CTNNA2: variants seen among roughly 807,000 people sequenced by gnomAD.
CTNNA2 encodes the protein catenin alpha 2.
In CTNNA2, 42 loss-of-function variants were observed where a neutral mutation model predicts 101.0. That is an observed-to-expected ratio of 0.42 (90% CI 0.32 to 0.54). The LOEUF (loss-of-function observed/expected upper bound fraction) is 0.54. Among genes scored for constraint, CTNNA2 ranks in the 20% least tolerant of loss-of-function variants. The pLI is 0.14. For synonymous variants in CTNNA2, 450 were observed against 456.4 expected, an observed-to-expected ratio of 0.99 and a Z score of 0.18; for missense variants, 871 against 1,223.1, an observed-to-expected ratio of 0.71 and a Z score of 4.29.
chr2:80,239,631 G>T (rs1394745139), intron 7 of CTNNA2, among the ~76,000 whole-genome samples: 1 of 152,006 alleles, frequency 6.6e-6, no homozygotes, highest in Non-Finnish European at 1.5e-5. Flanking sequence ...AATAGTTATG[G>T]CCTGGCGTGG....
At chr2:79,857,328 G>C (rs952355287) in intron 3 of CTNNA2, among the ~76,000 whole-genome samples, 2 of 152,144 alleles carry the variant, frequency 1.3e-5, no homozygotes, top group Non-Finnish European at 2.9e-5. Flanking sequence ...ATTATGTGTT[G>C]ACATACCTGT....
intron 7 of CTNNA2, among the ~76,000 whole-genome samples, chr2:80,346,593 A>G (rs1325789114): frequency 6.6e-6 from 1 of 152,170 alleles, no homozygotes; most frequent in African/African-American, 2.4e-5. Context: ...CTTTCTGCTT[A>G]TACTCCTCAA....
intron 4 of CTNNA2, among the ~76,000 whole-genome samples, chr2:79,406,531 A>G (rs1435690055): frequency 2.6e-5 from 4 of 151,948 alleles, no homozygotes; most frequent in African/African-American, 9.7e-5. Context: ...GTATCTCCTC[A>G]AGGGCATCCT....
chr2:80,521,679 G>A (rs975706480), intron 9 of CTNNA2, among the ~76,000 whole-genome samples: 1 of 152,128 alleles, frequency 6.6e-6, no homozygotes, highest in Non-Finnish European at 1.5e-5. Context: ...GCCTCTAGGA[G>A]TGGGAGAAGA....
chr2:79,721,227 G>T (rs1558870902), intron 2 of CTNNA2, among the ~76,000 whole-genome samples: 1 of 152,056 alleles, frequency 6.6e-6, no homozygotes, highest in African/African-American at 2.4e-5. Flanking sequence ...ATCACAGACT[G>T]GGTAATTTAT....
At chr2:79,504,658 C>T (rs2103809906) in intron 4 of CTNNA2, among the ~76,000 whole-genome samples, 1 of 152,200 alleles carries the variant, frequency 6.6e-6, no homozygotes, top group African/African-American at 2.4e-5. Flanking sequence ...TCATAGGTGG[C>T]ATATAAGTCA....
At chr2:79,464,588 A>C (rs1004051942) in intron 4 of CTNNA2, among the ~76,000 whole-genome samples, 7 of 152,278 alleles carry the variant, frequency 4.6e-5, no homozygotes, top group East Asian at 1.9e-4. Context: ...GAACTAGTTT[A>C]CAGTCCCACC....
chr2:80,415,227 C>A (rs1257304476), intron 8 of CTNNA2, among the ~76,000 whole-genome samples: 2 of 152,244 alleles, frequency 1.3e-5, no homozygotes, highest in African/African-American at 4.8e-5. Flanking sequence ...CAGGGAATGT[C>A]TTTTATCTTC....
chr2:80,575,854 G>A (rs1487497575), intron 13 of CTNNA2, among the ~76,000 whole-genome samples: 5 of 151,992 alleles, frequency 3.3e-5, no homozygotes, highest in African/African-American at 7.2e-5. Flanking sequence ...TCTCTATCTC[G>A]ACATTTCAAG....
chr2:79,389,360 C>T (rs1468870435), intron 4 of CTNNA2, among the ~76,000 whole-genome samples: 1 of 152,046 alleles, frequency 6.6e-6, no homozygotes, highest in Non-Finnish European at 1.5e-5. Flanking sequence ...GGTCTTACAC[C>T]CTTAAATTTT....
At chr2:80,149,910 C>CA (rs1336517471) in intron 7 of CTNNA2, among the ~76,000 whole-genome samples, 2 of 151,930 alleles carry the variant, frequency 1.3e-5, no homozygotes, top group African/African-American at 4.8e-5. Flanking sequence ...TGTTTAAACA[C>CA]AAAAAACACA....
chr2:80,078,266 A>G (rs1331058151), intron 7 of CTNNA2, among the ~76,000 whole-genome samples: 1 of 152,144 alleles, frequency 6.6e-6, no homozygotes, highest in Non-Finnish European at 1.5e-5. Context: ...TTTTCTGTTG[A>G]AAACGCAGAA....
intron 4 of CTNNA2, among the ~76,000 whole-genome samples, chr2:79,380,850 C>T (rs1467675740): frequency 1.3e-5 from 2 of 152,148 alleles, no homozygotes; most frequent in Non-Finnish European, 2.9e-5. Context: ...TAAAGAAACC[C>T]TGCACTGCAG....
chr2:80,451,571 T>C (rs963241035), intron 9 of CTNNA2, among the ~76,000 whole-genome samples: 6 of 152,234 alleles, frequency 3.9e-5, no homozygotes, highest in Admixed American at 2.6e-4. Flanking sequence ...CATGTTTTCA[T>C]TGGACTAGAC....
At chr2:79,208,769 T>C (rs1387419695) in intron 2 of CTNNA2, among the ~76,000 whole-genome samples, 2 of 152,238 alleles carry the variant, frequency 1.3e-5, no homozygotes, top group Admixed American at 1.3e-4. Flanking sequence ...TAATTTGCTA[T>C]TGAAACCTAG....
At chr2:80,186,451 G>T (rs143830927) in intron 7 of CTNNA2, among the ~76,000 whole-genome samples, 14 of 152,298 alleles carry the variant, frequency 9.2e-5, no homozygotes, top group African/African-American at 3.4e-4. Flanking sequence ...GCAGAGTTCA[G>T]TGCCCTGGAC....
intron 2 of CTNNA2, among the ~76,000 whole-genome samples, chr2:79,685,062 A>G (rs990670975): frequency 3.9e-5 from 6 of 152,180 alleles, no homozygotes; most frequent in Non-Finnish European, 8.8e-5. Flanking sequence ...ACTTTGACCT[A>G]TGGAATATTA....
intron 18 of CTNNA2, among the ~76,000 whole-genome samples, chr2:80,641,998 T>A (rs186097636): frequency 2.6e-4 from 40 of 152,258 alleles, no homozygotes; most frequent in East Asian, 1.4e-3. Context: ...ATGATTTTTT[T>A]AATATTTACT....
intron 3 of CTNNA2, among the ~76,000 whole-genome samples, chr2:79,841,410 T>C (rs1023818919): frequency 2.6e-5 from 4 of 152,220 alleles, no homozygotes; most frequent in Non-Finnish European, 4.4e-5. Context: ...TCCTATGGAA[T>C]GGCAAATAAG....
Sources: allele counts gnomAD v4.1 joint callset (sites outside exome capture counted in the v4.1 genomes callset), GRCh38; gene constraint gnomAD v4.1.1; transcripts MANE v1.5; gene names NCBI Gene and HGNC (gene_info 2026-07-23, HGNC 2026-07-21).